The following PRKG1 variants were observed in gnomAD, a reference collection of about 807,000 sequenced individuals.
PRKG1 encodes cGMP-dependent protein kinase 1.
PRKG1 carries 35 observed loss-of-function variants against 88.1 expected under a neutral mutation model. The ratio of observed to expected loss-of-function variants is 0.40; its 90% confidence interval spans 0.30 to 0.53. The LOEUF is 0.53. PRKG1 is among the 20% of genes least tolerant of loss of function. The pLI, the probability that PRKG1 is intolerant of heterozygous loss-of-function variation, is 0.59. For synonymous variants in PRKG1, 303 were observed against 292.5 expected, an observed-to-expected ratio of 1.04 and a Z score of -0.37; for missense variants, 540 against 839.8, an observed-to-expected ratio of 0.64 and a Z score of 4.41.
chr10:52,291,687 A>G (rs899206854), intron 17 of PRKG1, among the ~76,000 whole-genome samples: 1 of 151,900 alleles, frequency 6.6e-6, no homozygotes, highest in African/African-American at 2.4e-5. Context: ...AGTCTTTGCT[A>G]TTGTGAATAG....
intron 2 of PRKG1, among the ~76,000 whole-genome samples, chr10:51,304,527 C>G (rs1399579942): frequency 6.6e-6 from 1 of 151,576 alleles, no homozygotes; most frequent in Non-Finnish European, 1.5e-5. Flanking sequence ...TACATGTGCA[C>G]AATGTGCAGG....
intron 3 of PRKG1, among the ~76,000 whole-genome samples, chr10:51,804,054 G>T (rs1395998594): frequency 2.0e-5 from 3 of 152,076 alleles, no homozygotes; most frequent in Non-Finnish European, 4.4e-5. Flanking sequence ...TTTGGGCACA[G>T]ATTTCAATTT....
intron 2 of PRKG1, chr10:51,320,618 A>G (rs1429148400): frequency 6.6e-6 from 1 of 152,346 alleles, no homozygotes; most frequent in East Asian, 1.9e-4. Flanking sequence ...ATCACAAATC[A>G]GAAAAGATGA....
At chr10:51,995,230 G>C (rs1486165351) in intron 5 of PRKG1, among the ~76,000 whole-genome samples, 3 of 151,780 alleles carry the variant, frequency 2.0e-5, no homozygotes, top group African/African-American at 7.3e-5. Context: ...TCAACAAAAA[G>C]CTATGGTTAA....
intron 2 of PRKG1, among the ~76,000 whole-genome samples, chr10:51,159,628 G>T (rs1339303842): frequency 6.6e-6 from 1 of 152,162 alleles, no homozygotes; most frequent in Non-Finnish European, 1.5e-5. Flanking sequence ...GGCAAAGGAA[G>T]GGATGTGAAA....
chr10:51,850,642 A>G (rs1413256522), intron 4 of PRKG1, among the ~76,000 whole-genome samples: 1 of 152,168 alleles, frequency 6.6e-6, no homozygotes, highest in Non-Finnish European at 1.5e-5. Context: ...GTTTCTTGAA[A>G]TAAAGAAAAC....
At chr10:52,215,913 G>T (rs1004538934) in intron 9 of PRKG1, among the ~76,000 whole-genome samples, 1 of 152,118 alleles carries the variant, frequency 6.6e-6, no homozygotes, top group Non-Finnish European at 1.5e-5. Context: ...GGCCTAACTT[G>T]AAGGCAAACA....
chr10:51,935,922 A>G (rs1199316914), intron 5 of PRKG1, among the ~76,000 whole-genome samples: 1 of 152,050 alleles, frequency 6.6e-6, no homozygotes, highest in Admixed American at 6.6e-5. Flanking sequence ...TCTTCCATTT[A>G]TTATTTCTGA....
At chr10:51,513,027 C>CT (rs1255873989) in intron 3 of PRKG1, among the ~76,000 whole-genome samples, 1 of 150,376 alleles carries the variant, frequency 6.6e-6, no homozygotes, top group Admixed American at 6.7e-5. Context: ...CCTTCGCCCA[C>CT]TTTTTGATGG....
At chr10:51,855,508 T>C (rs540433604) in intron 4 of PRKG1, among the ~76,000 whole-genome samples, 2 of 152,304 alleles carry the variant, frequency 1.3e-5, no homozygotes, top group African/African-American at 4.8e-5. Flanking sequence ...GTGTGAGGAA[T>C]GCAATTACTT....
intron 2 of PRKG1, among the ~76,000 whole-genome samples, chr10:51,186,990 A>G (rs1001608065): frequency 8.3e-5 from 12 of 145,226 alleles, no homozygotes; most frequent in African/African-American, 3.0e-4. Flanking sequence ...ATATGTATAT[A>G]TATATTCTCT....
Position 50,991,896 on chromosome 10 carries a change from G to A in PRKG1, c.266+252G>A, listed in dbSNP as rs1241225164. On this transcript the variant is annotated intron_variant, in intron 1 of 17. Coordinates refer to the PRKG1 transcript ENST00000401604. This position sits in a 1 kb window ranked among gnomAD's most constrained non-coding sequence, Gnocchi z 4.5. ...GGGAGACGCGCCCCTGTGGCGTGGG[G>A]GTGGGGAGGAGGACCGCGGAAAGTT... is the stretch of plus-strand genomic sequence containing the variant. 6.6e-6 allele frequency among the ~76,000 whole-genome samples: 1 copy of A among 152,176 alleles called. No homozygotes were observed. Among genetic ancestry groups the A allele is most frequent in the Non-Finnish European group, 1.5e-5 (1 of 68,004 alleles).
chr10:51,838,689 C>CT (rs1367389515), intron 4 of PRKG1, among the ~76,000 whole-genome samples: 2 of 151,912 alleles, frequency 1.3e-5, no homozygotes, highest in Admixed American at 6.6e-5. Flanking sequence ...TTTGGGAATC[C>CT]TTTTTTTCTG....
At chr10:51,312,826 T>G (rs1841225580) in intron 2 of PRKG1, among the ~76,000 whole-genome samples, 1 of 152,180 alleles carries the variant, frequency 6.6e-6, no homozygotes, top group Non-Finnish European at 1.5e-5. Flanking sequence ...ATTCTCACTG[T>G]AAAAGCTTAT....
At chr10:51,098,472 A>G (rs904636855) in intron 1 of PRKG1, among the ~76,000 whole-genome samples, 2 of 152,200 alleles carry the variant, frequency 1.3e-5, no homozygotes, top group South Asian at 2.1e-4. Flanking sequence ...GTGGACTGCA[A>G]TGGAGCAAAG....
chr10:51,959,109 A>G (rs1843383897), intron 5 of PRKG1, among the ~76,000 whole-genome samples: 1 of 152,176 alleles, frequency 6.6e-6, no homozygotes, highest in Admixed American at 6.6e-5. Flanking sequence ...ATTCAAAACC[A>G]GACAGACTGA....
chr10:51,137,315 G>A (rs924945397), intron 1 of PRKG1, among the ~76,000 whole-genome samples: 8 of 152,050 alleles, frequency 5.3e-5, no homozygotes, highest in Non-Finnish European at 1.0e-4. Flanking sequence ...TGTAATTAAG[G>A]TATATTTTAA....
chr10:51,410,270 A>ATATATATG (rs1554805784), intron 2 of PRKG1, among the ~76,000 whole-genome samples: 2 of 146,798 alleles, frequency 1.4e-5, no homozygotes, highest in African/African-American at 5.1e-5. Flanking sequence ...ATATATATAT[A>ATATATATG]TGTGTGTGTG....
chr10:52,211,428 C>T (rs1839968507), intron 9 of PRKG1, among the ~76,000 whole-genome samples: 1 of 152,126 alleles, frequency 6.6e-6, no homozygotes, highest in South Asian at 2.1e-4. Context: ...ACAAGGACAG[C>T]CTATAACCAG....
Sources: gnomAD v4.1 joint callset for allele counts (sites outside exome capture counted in the v4.1 genomes callset) on GRCh38, gnomAD v4.1.1 for gene constraint, Gnocchi (gnomAD v3.1) non-coding constraint, MANE v1.5 for transcripts, NCBI Gene and HGNC (gene_info 2026-07-23, HGNC 2026-07-21) for gene names.